B3GALT1: variants seen among roughly 807,000 people sequenced by gnomAD.
The protein encoded by B3GALT1 is UDP-Gal:betaGlcNAc beta 1,3-galactosyltransferase, polypeptide 1.
B3GALT1 carries 10 observed loss-of-function variants against 23.2 expected under a neutral mutation model. That is an observed-to-expected ratio of 0.43 (90% confidence interval 0.27 to 0.73). The LOEUF is 0.73. Among genes scored for constraint, B3GALT1 ranks in the 30% least tolerant of loss-of-function variants. B3GALT1 has a pLI of 0.21. For synonymous variants in B3GALT1, 156 were observed against 141.5 expected (o/e 1.10, Z -0.73); for missense variants, 299 against 405.4 (o/e 0.74, Z 2.25).
Position 167,547,767 on chromosome 2 carries a change from T to G in B3GALT1, c.-410+57490T>G, listed in dbSNP as rs556451133. On this transcript the variant is annotated intron_variant, in intron 2 of 4. Coordinates refer to ENST00000392690, the MANE Select transcript of B3GALT1 (RefSeq NM_020981.4). ...AGCCAGGACAGAAATCAAGGTCTTC[T>G]GACATATCTTCCTTGCTTTACTAGG... 4.0e-5 allele frequency among the ~76,000 whole-genome samples: 6 copies of G among 151,778 alleles called. No homozygotes were observed. The South Asian group carries it at 1.3e-3, about 32-fold the overall frequency.
chr2:167,849,615 C>T (rs1689829128), intron 4 of B3GALT1, among the ~76,000 whole-genome samples: 3 of 152,112 alleles, frequency 2.0e-5, no homozygotes, highest in Middle Eastern at 3.4e-3. Context: ...TGGCCGGGCG[C>T]GGTGGCTCAA....
intron 2 of B3GALT1, among the ~76,000 whole-genome samples, chr2:167,637,275 A>G (rs1574182735): frequency 6.6e-6 from 1 of 152,034 alleles, no homozygotes; most frequent in Non-Finnish European, 1.5e-5. Flanking sequence ...CTAAAACATC[A>G]TGGGGATTCT....
At chr2:167,858,941 G>T (rs1180245604) in intron 4 of B3GALT1, among the ~76,000 whole-genome samples, 3 of 152,116 alleles carry the variant, frequency 2.0e-5, no homozygotes. Context: ...ATTTTAGATA[G>T]TGAATACACT....
intron 1 of B3GALT1, among the ~76,000 whole-genome samples, chr2:167,487,066 A>G (rs1465290311): frequency 1.3e-5 from 2 of 152,218 alleles, no homozygotes; most frequent in African/African-American, 2.4e-5. Context: ...GTAATAAAAG[A>G]TTTCTTTTGA....
At chr2:167,714,849 A>G (rs748681447) in intron 3 of B3GALT1, 6 of 1,609,096 alleles carry the variant, frequency 3.7e-6, no homozygotes, top group Non-Finnish European at 3.4e-6. Context: ...TCTATCTGGT[A>G]ATTTTCTTCT....
At position 167,740,588 on chromosome 2, in the gene B3GALT1, C is replaced by T. The variant is rs560983913; in HGVS notation, c.-351-78084C>T. On this transcript the variant is annotated intron_variant, in intron 3 of 4. Coordinates refer to ENST00000392690, the MANE Select transcript of B3GALT1 (RefSeq NM_020981.4). ...TTGGCAAATGCATTATAGGAATGGC[C>T]CACATAGTAAATTATAATAAAAAGA... 7.2e-5 allele frequency among the ~76,000 whole-genome samples: 11 copies of T among 151,746 alleles called. No homozygotes were observed. The East Asian group carries it at 2.1e-3, about 29-fold the overall frequency.
intron 2 of B3GALT1, among the ~76,000 whole-genome samples, chr2:167,492,572 G>A (rs915656611): frequency 3.9e-5 from 6 of 152,168 alleles, no homozygotes; most frequent in African/African-American, 1.4e-4. Flanking sequence ...CAAAGTAGCT[G>A]TAACATTTTG....
chr2:167,632,284 A>C (rs1162586456), intron 2 of B3GALT1, among the ~76,000 whole-genome samples: 1 of 152,114 alleles, frequency 6.6e-6, no homozygotes, highest in Non-Finnish European at 1.5e-5. Context: ...TAATAGAATG[A>C]TTTATAATCC....
intron 1 of B3GALT1, among the ~76,000 whole-genome samples, chr2:167,318,420 A>G (rs1280136864): frequency 6.6e-6 from 1 of 152,092 alleles, no homozygotes; most frequent in Admixed American, 6.5e-5. Context: ...ACAAGTCTAG[A>G]TGTAAATAGG....
At chr2:167,803,626 G>T (rs1271752302) in intron 3 of B3GALT1, among the ~76,000 whole-genome samples, 2 of 152,174 alleles carry the variant, frequency 1.3e-5, no homozygotes, top group African/African-American at 4.8e-5. Context: ...GGTCTTGTAT[G>T]TAGCAGCTCA....
intron 1 of B3GALT1, among the ~76,000 whole-genome samples, chr2:167,297,799 A>G (rs1229893661): frequency 6.6e-6 from 1 of 152,144 alleles, no homozygotes; most frequent in Non-Finnish European, 1.5e-5. Context: ...AGCTGAAATT[A>G]TACTCCGAAG....
chr2:167,444,859 A>G (rs1322148196), intron 1 of B3GALT1, among the ~76,000 whole-genome samples: 1 of 151,984 alleles, frequency 6.6e-6, no homozygotes, highest in Non-Finnish European at 1.5e-5. Flanking sequence ...TTGTGTCTGT[A>G]TCTCCTTCAG....
intron 1 of B3GALT1, among the ~76,000 whole-genome samples, chr2:167,397,434 A>C (rs1698116695): frequency 6.6e-6 from 1 of 152,080 alleles, no homozygotes; most frequent in South Asian, 2.1e-4. Context: ...TGAAAGGAGA[A>C]TCTTCTTTCT....
At chr2:167,734,035 A>G (rs1213703672) in intron 3 of B3GALT1, among the ~76,000 whole-genome samples, 5 of 152,212 alleles carry the variant, frequency 3.3e-5, no homozygotes, top group Admixed American at 3.3e-4. Flanking sequence ...AGAGTGAGTC[A>G]GAGAGAAGAT....
At chr2:167,351,290 C>CA (rs951533739) in intron 1 of B3GALT1, among the ~76,000 whole-genome samples, 38 of 146,304 alleles carry the variant, frequency 2.6e-4, no homozygotes, top group Admixed American at 8.8e-4. Flanking sequence ...AAAACGAAAA[C>CA]AAAAAAAACC....
chr2:167,783,917 G>C (rs1033838629), intron 3 of B3GALT1, among the ~76,000 whole-genome samples: 3 of 152,190 alleles, frequency 2.0e-5, no homozygotes, highest in Non-Finnish European at 4.4e-5. Flanking sequence ...GCTGATGACT[G>C]TGTAAAACAG....
At chr2:167,623,688 A>G (rs1685298021) in intron 2 of B3GALT1, among the ~76,000 whole-genome samples, 1 of 152,078 alleles carries the variant, frequency 6.6e-6, no homozygotes, top group Non-Finnish European at 1.5e-5. Flanking sequence ...CCACCATGGC[A>G]CATGTGTACC....
chr2:167,767,770 ATAGTTC>A (rs1344420893), intron 3 of B3GALT1, among the ~76,000 whole-genome samples: 4 of 152,166 alleles, frequency 2.6e-5, no homozygotes, highest in African/African-American at 9.6e-5. Flanking sequence ...ATAACACTTT[ATAGTTC>A]TAACTAGGAA....
chr2:167,704,204 G>T (rs945759119), intron 3 of B3GALT1, among the ~76,000 whole-genome samples: 3 of 132,314 alleles, frequency 2.3e-5, no homozygotes, highest in African/African-American at 8.0e-5. Context: ...AAAAAAAAAG[G>T]TAACTCAGAA....
Sources: gnomAD v4.1 joint callset for allele counts (sites outside exome capture counted in the v4.1 genomes callset) on GRCh38, gnomAD v4.1.1 for gene constraint, MANE v1.5 for transcripts, NCBI Gene and HGNC (gene_info 2026-07-23, HGNC 2026-07-21) for gene names.